The following EEF1AKMT3 variants were observed in gnomAD, a reference collection of about 807,000 sequenced individuals.
The protein encoded by EEF1AKMT3 is EEF1A lysine methyltransferase 3.
A neutral mutation model predicts 17.8 loss-of-function variants in EEF1AKMT3; 17 were observed. The observed-to-expected ratio is 0.96, with a 90% CI of 0.65 to 1.43. The LOEUF is 1.43. EEF1AKMT3 is among the 40% of genes most tolerant of loss of function. The pLI is 0.00. For missense variants in EEF1AKMT3, 244 were observed against 285.8 expected, an observed-to-expected ratio of 0.85 and a Z score of 1.06; for synonymous variants, 116 against 126.5, an observed-to-expected ratio of 0.92 and a Z score of 0.56.
intron 2 of EEF1AKMT3, chr12:57,774,484 A>T (rs1434592167): frequency 1.8e-6 from 1 of 567,720 alleles, no homozygotes; most frequent in African/African-American, 1.9e-5. Context: ...CTGTCTCAAA[A>T]ATAAAAAAAG....
At position 57,772,918 on chromosome 12, in the gene EEF1AKMT3, GCCGGGTGAGGGT is replaced by G; in HGVS notation, c.177+21_177+32del. 1 of 1,613,532 alleles carries G rather than the reference GCCGGGTGAGGGT, an allele frequency of 6.2e-7. No individual in the cohort carries two copies. Among genetic ancestry groups the G allele is most frequent in the Non-Finnish European group, 8.5e-7 (1 of 1,179,596 alleles). On this transcript the variant is annotated intron_variant, in intron 1 of 2. Transcript: ENST00000300209. This position sits in a 1 kb window ranked among gnomAD's most constrained non-coding sequence, Gnocchi z 4.1. Reference sequence around the variant, plus strand: ...TGGGACGCGGTGAGGAATGGGCTGCGCCGGGTGAGGGTCCGTGGGAGGTCCAGATCCCGGACT... The same window carrying G: ...TGGGACGCGGTGAGGAATGGGCTGCGCCGTGGGAGGTCCAGATCCCGGACT...
Position 57,780,888 on chromosome 12 carries a change from GCT to G in EEF1AKMT3, c.*244_*245del. 1 of 565,536 alleles carries G rather than the reference GCT, an allele frequency of 1.8e-6. No individual in the cohort carries two copies. The highest frequency in any genetic ancestry group is 3.1e-5 in the East Asian group (1 of 32,042). 35.0% of individuals were successfully genotyped at this position (565,536 alleles called of 1,614,324 possible). On this transcript the variant is annotated 3_prime_UTR_variant, in exon 3 of 3. Transcript: ENST00000300209. ...TGTTAGAACACCAAGGAGGTTCCTG[GCT>G]CCTGTTCTCAGAGAAGGAGGATGGT...
chr12:57,773,383 A>G (rs928334662), intron 2 of EEF1AKMT3, among the ~76,000 whole-genome samples: 1 of 152,090 alleles, frequency 6.6e-6, no homozygotes, highest in South Asian at 2.1e-4. Context: ...AGGCAGGCCT[A>G]TAAGAAGGAG....
chr12:57,773,684 C>T (rs1038547056), intron 2 of EEF1AKMT3, among the ~76,000 whole-genome samples: 37 of 152,118 alleles, frequency 2.4e-4, no homozygotes, highest in African/African-American at 2.4e-5. Flanking sequence ...CCTCGCGAGG[C>T]GCCTGGGATT....
chr12:57,778,292 G>GTTTTTTTTTTTTTTTTT (rs78304489), intron 2 of EEF1AKMT3, among the ~76,000 whole-genome samples: 11 of 2,286 alleles, frequency 4.8e-3, no homozygotes, highest in East Asian at 0.014. Context: ...ACCATCCTGA[G>GTTTTTTTTTTTTTTTTT]CTTTTTTTTT....
At chr12:57,773,550 C>T (rs1955460026) in intron 2 of EEF1AKMT3, among the ~76,000 whole-genome samples, 1 of 152,144 alleles carries the variant, frequency 6.6e-6, no homozygotes, top group East Asian at 1.9e-4. Flanking sequence ...GCCTCAGCCT[C>T]CGAAGTAGCT....
Position 57,782,520 on chromosome 12 carries a change from T to G in EEF1AKMT3, c.*1874T>G. The G allele has an allele frequency of 4.4e-6, 2 of 456,644 alleles. No individual in the cohort carries two copies. The highest frequency in any genetic ancestry group is 7.8e-6 in the Non-Finnish European group (2 of 255,392). 28.3% of individuals were successfully genotyped at this position (456,644 alleles called of 1,614,324 possible). On this transcript the variant is annotated 3_prime_UTR_variant, in exon 3 of 3. Coordinates refer to ENST00000300209, the MANE Select transcript of EEF1AKMT3 (RefSeq NM_015433.3). The stretch of plus-strand genomic sequence containing the variant: ...AATGAATATAAATGCGCATTGAAAA[T>G]AAACATAAAATGTTACCCACATTTC...
Position 57,780,456 on chromosome 12 carries a change from G to A in EEF1AKMT3, c.491G>A (p.Gly164Glu), listed in dbSNP as rs866463054. 18 of 1,614,030 alleles carry A rather than the reference G, an allele frequency of 1.1e-5. No individual in the cohort carries two copies. The African/African-American group carries it at 2.1e-4, about 19-fold the overall frequency. ...YLEPTFPLLL[G>E]TLQHLCRPHG... ...GAACCCACCTTCCCTCTGCTGCTGG[G>A]GACCCTCCAACACCTGTGCAGGCCC... The change falls in exon 3 of 3, where the codon GGG (glycine) becomes GAG (glutamate). Residue 164 changes from glycine (G) to glutamate (E), a missense_variant. By Grantham distance (98) the Gly-to-Glu change is moderately conservative. Coordinates refer to ENST00000300209, the MANE Select transcript of EEF1AKMT3 (RefSeq NM_015433.3).
At position 57,778,293 on chromosome 12, in the gene EEF1AKMT3, C is replaced by CTTTTTTTTTT. The variant is rs56919999; in HGVS notation, c.290-1956_290-1947dup. On this transcript the variant is annotated intron_variant, in intron 2 of 2. Transcript: ENST00000300209. ...CCAAACACCCAGAAACCATCCTGAG[C>CTTTTTTTTTT]TTTTTTTTTTTTTTTGAGACAGGTT... Among the ~76,000 whole-genome samples the CTTTTTTTTTT allele has an allele frequency of 4.3e-4, 19 of 43,994 alleles. 7 individuals are homozygous for CTTTTTTTTTT. The highest frequency in any genetic ancestry group is 1.1e-3 in the African/African-American group (13 of 12,332). 28.9% of individuals were successfully genotyped at this position (43,994 alleles called of 152,430 possible). A position where few individuals can be genotyped will look rare whatever the true frequency, so the allele number is the denominator to read the frequency against.
chr12:57,773,411 C>CTCTT lies in EEF1AKMT3; in HGVS notation c.289+284_289+285insCTTT, dbSNP rs143319881. Among the ~76,000 whole-genome samples, 1,278 of 150,478 alleles carry CTCTT rather than the reference C, an allele frequency of 8.5e-3. 24 individuals are homozygous for CTCTT. Among genetic ancestry groups the CTCTT allele is most frequent in the South Asian group, 0.069 (327 of 4,740 alleles). ...AGAAGGAGTTGTTTCTATCGTGTTG[C>CTCTT]TTTTTTTTTGTTTTTAATTTTTTTT... On this transcript the variant is annotated intron_variant, in intron 2 of 2. Transcript: ENST00000300209.
In EEF1AKMT3 at chr12:57,774,515, G is replaced by T. The variant is rs1482671729; in HGVS notation, c.289+1387G>T. ...AAAAGGGAAATCTTCCCAGAGGCAGGCATTCATTCTTCTATTCATTCAACC... is the reference window on the plus strand; with the variant it reads ...AAAAGGGAAATCTTCCCAGAGGCAGTCATTCATTCTTCTATTCATTCAACC... On this transcript the variant is annotated intron_variant, in intron 2 of 2. Coordinates refer to ENST00000300209, the MANE Select transcript of EEF1AKMT3 (RefSeq NM_015433.3). 8.7e-5 allele frequency: 52 copies of T among 596,684 alleles called. No homozygotes were observed. The East Asian group carries it at 1.5e-3, about 17-fold the overall frequency. The allele number at this position is 596,684 out of a possible 1,614,324, so 37.0% of individuals were successfully genotyped here.
chr12:57,775,839 G>A (rs1179174557), intron 2 of EEF1AKMT3, among the ~76,000 whole-genome samples: 5 of 152,052 alleles, frequency 3.3e-5, no homozygotes, highest in Admixed American at 3.3e-4. Context: ...CACCCAGTGG[G>A]AAACCTAGAC....
At chr12:57,776,519 CT>C (rs952010185) in intron 2 of EEF1AKMT3, among the ~76,000 whole-genome samples, 2 of 152,244 alleles carry the variant, frequency 1.3e-5, no homozygotes, top group African/African-American at 4.8e-5. Flanking sequence ...CTGGTACATT[CT>C]CTCGTCCACT....
rs1038615462 is a variant in EEF1AKMT3, at chr12:57,781,059, C to CT, written c.*420dup. 5 of 202,462 alleles carry CT rather than the reference C, an allele frequency of 2.5e-5. No individual in the cohort carries two copies. Among genetic ancestry groups the CT allele is most frequent in the East Asian group, 1.7e-4 (1 of 5,936 alleles). The allele number at this position is 202,462 out of a possible 1,614,324, so 12.5% of individuals were successfully genotyped here. A position where few individuals can be genotyped will look rare whatever the true frequency, so the allele number is the denominator to read the frequency against. ...AAAAAATTCTGTGGGATTTTTTTTTCTTTTTTTCTTTTTTTTTGAGACAGG... is the reference window on the plus strand; with the variant it reads ...AAAAAATTCTGTGGGATTTTTTTTTCTTTTTTTTCTTTTTTTTTGAGACAGG... On this transcript the variant is annotated 3_prime_UTR_variant, in exon 3 of 3. Transcript: ENST00000300209.
rs1955517811 is a variant in EEF1AKMT3, at chr12:57,781,816, C to T, written c.*1170C>T. The T allele has an allele frequency of 1.3e-5, 2 of 152,138 alleles. No homozygotes were observed. Among genetic ancestry groups the T allele is most frequent in the Non-Finnish European group, 2.9e-5 (2 of 68,052 alleles). The allele number at this position is 152,138 out of a possible 1,614,324, so 9.4% of individuals were successfully genotyped here. On this transcript the variant is annotated 3_prime_UTR_variant, in exon 3 of 3. Transcript: ENST00000300209. ...ACTTACTGCTTAGGCACATAGTCAC[C>T]TTCTCTGGACTCCCTGCTTCCATGC...
rs774427188 is a variant in EEF1AKMT3 at position 57,780,631 on chromosome 12, A to G, written c.666A>G (p.Glu222=). The part of the protein sequence containing the change: ...NVNIYRARHR[E]PRPA ...ACATCTATAGGGCCAGGCACAGGGAACCAAGACCTGCTTGACATCACCCTT... is the reference window on the plus strand; with the variant it reads ...ACATCTATAGGGCCAGGCACAGGGAGCCAAGACCTGCTTGACATCACCCTT... Residue 222 remains glutamate (E), a synonymous_variant, in exon 3 of 3, where the codon GAA becomes GAG. Transcript: ENST00000300209. 6.2e-7 allele frequency: 1 copy of G among 1,608,336 alleles called. No homozygotes were observed. The highest frequency in any genetic ancestry group is 8.5e-7 in the Non-Finnish European group (1 of 1,179,980).
At chr12:57,775,166 A>G (rs1047638457) in intron 2 of EEF1AKMT3, among the ~76,000 whole-genome samples, 3 of 149,980 alleles carry the variant, frequency 2.0e-5, no homozygotes, top group Non-Finnish European at 4.4e-5. Context: ...CAGTTTTTGC[A>G]TGAAGCATGG....
chr12:57,776,524 G>A (rs756838581), intron 2 of EEF1AKMT3, among the ~76,000 whole-genome samples: 9 of 152,138 alleles, frequency 5.9e-5, no homozygotes, highest in Admixed American at 1.3e-4. Context: ...ACATTCTCTC[G>A]TCCACTTTTT....
At chr12:57,773,322 C>T (rs1344751036) in intron 2 of EEF1AKMT3, among the ~76,000 whole-genome samples, 194 bp downstream of exon 2, 1 of 152,030 alleles carries the variant, frequency 6.6e-6, no homozygotes, top group Non-Finnish European at 1.5e-5. Context: ...GCGCGAATTG[C>T]CTGTCAAAGC....
Sources: allele counts gnomAD v4.1 joint callset (sites outside exome capture counted in the v4.1 genomes callset), GRCh38; gene constraint gnomAD v4.1.1; non-coding constraint Gnocchi (gnomAD v3.1); transcripts MANE v1.5; gene names NCBI Gene and HGNC (gene_info 2026-07-23, HGNC 2026-07-21).